The following PCNX2 variants were observed in gnomAD, a reference collection of about 807,000 sequenced individuals.
PCNX2 encodes the protein pecanex 2, also known as pecanex-like protein 2.
Under a neutral mutation model 223.8 loss-of-function variants are expected in PCNX2, and 168 were observed. The observed-to-expected ratio is 0.75, with a 90% confidence interval of 0.66 to 0.85. The LOEUF is 0.85. Among genes scored for constraint, PCNX2 ranks in the 40% least tolerant of loss-of-function variants. The probability of loss-of-function intolerance (pLI) is 0.00; values close to 1 mark genes in which losing one functional copy is unlikely to be tolerated. For synonymous variants in PCNX2, 1,006 were observed against 1,052.6 expected, an observed-to-expected ratio of 0.96 and a Z score of 0.86; for missense variants, 2,507 against 2,675.5, an observed-to-expected ratio of 0.94 and a Z score of 1.39.
In PCNX2 at chr1:233,005,925, C is replaced by T. The variant is rs375387929; in HGVS notation, c.4953-4244G>A. On this transcript the variant is annotated intron_variant, in intron 28 of 33. Transcript: ENST00000258229. ...TTCCTGGGGACTAAAACAGCCCCCA[C>T]TCGCACGCCTGTGGAGGATGTCAGT... Among the ~76,000 whole-genome samples, 26 of 152,296 alleles carry T rather than the reference C, an allele frequency of 1.7e-4. No homozygotes were observed. The South Asian group carries it at 4.8e-3, about 28-fold the overall frequency.
At chr1:232,985,665 C>A (rs1043603293) in intron 33 of PCNX2, 2 of 411,422 alleles carry the variant, frequency 4.9e-6, no homozygotes, top group Non-Finnish European at 8.6e-6. Context: ...GCTTTAAAGT[C>A]AAATCGATTG....
intron 28 of PCNX2, among the ~76,000 whole-genome samples, chr1:233,009,184 G>A (rs1015825963): frequency 3.3e-5 from 5 of 152,148 alleles, no homozygotes; most frequent in Admixed American, 6.5e-5. Context: ...CAGAGAAGAC[G>A]AAATGCATTA....
At chr1:233,210,845 G>A (rs1360683663) in intron 12 of PCNX2, among the ~76,000 whole-genome samples, 1 of 152,136 alleles carries the variant, frequency 6.6e-6, no homozygotes, top group East Asian at 1.9e-4. Context: ...GGAGCATCTT[G>A]CAAGGCTATT....
intron 25 of PCNX2, among the ~76,000 whole-genome samples, chr1:233,043,922 C>T (rs1400813435): frequency 3.3e-5 from 5 of 151,432 alleles, no homozygotes; most frequent in African/African-American, 7.3e-5. Flanking sequence ...GGTATATACC[C>T]AGTAATGGGA....
At chr1:233,015,961 T>C (rs1202572507) in intron 27 of PCNX2, among the ~76,000 whole-genome samples, 1 of 151,894 alleles carries the variant, frequency 6.6e-6, no homozygotes, top group African/African-American at 2.4e-5. Context: ...AAATATCTTT[T>C]GCAAGGAAAA....
chr1:233,144,054 G>A (rs748506422), intron 19 of PCNX2, among the ~76,000 whole-genome samples: 2 of 152,040 alleles, frequency 1.3e-5, no homozygotes, highest in Non-Finnish European at 2.9e-5. Context: ...GGTGGTGTGT[G>A]CTTGTAGTCC....
At chr1:233,132,086 G>A (rs1160236002) in intron 21 of PCNX2, among the ~76,000 whole-genome samples, 1 of 151,834 alleles carries the variant, frequency 6.6e-6, no homozygotes, top group Non-Finnish European at 1.5e-5. Flanking sequence ...ACAGGCACCC[G>A]CCACCACGCC....
At chr1:233,205,380 A>T (rs1288945465) in intron 13 of PCNX2, among the ~76,000 whole-genome samples, 2 of 152,220 alleles carry the variant, frequency 1.3e-5, no homozygotes, top group Non-Finnish European at 2.9e-5. Flanking sequence ...TTATTTGTAC[A>T]TAAATATCTT....
chr1:233,133,550 A>G (rs187600401), intron 21 of PCNX2, among the ~76,000 whole-genome samples: 6 of 152,260 alleles, frequency 3.9e-5, no homozygotes, highest in African/African-American at 4.8e-5. Flanking sequence ...TTAGTGCCCA[A>G]TTGGAGTTAT....
rs760870786 is a variant in PCNX2, at chr1:233,258,181, A to G, written c.1681T>C (p.Ser561Pro). 1.9e-6 allele frequency: 3 copies of G among 1,613,958 alleles called. No individual in the cohort carries two copies. Among genetic ancestry groups the G allele is most frequent in the Admixed American group, 1.7e-5 (1 of 60,024 alleles). ...TGTCCTTCCTTAGCCTCTAGGTCAG[A>G]TTTGGAAGTTGGCATTGTTTTCTCT... ...DTEKTMPTSK[S>P]DLEAKEGQMP... The change falls in exon 5 of 34, where the codon TCT becomes CCT. Residue 561 changes from serine to proline, a missense_variant. This residue lies in a region of PCNX2 where 1,031 missense variants were observed against 1,021.7 expected (regional missense o/e 1.01). Coordinates refer to ENST00000258229, the MANE Select transcript of PCNX2 (RefSeq NM_014801.4).
intron 12 of PCNX2, among the ~76,000 whole-genome samples, chr1:233,213,671 A>C (rs1346952171): frequency 6.6e-6 from 1 of 152,202 alleles, no homozygotes; most frequent in Non-Finnish European, 1.5e-5. Flanking sequence ...AGAATGCATA[A>C]CAAGCTGTAG....
intron 8 of PCNX2, among the ~76,000 whole-genome samples, chr1:233,245,446 G>A (rs1266373533): frequency 1.3e-5 from 2 of 148,952 alleles, no homozygotes; most frequent in African/African-American, 5.2e-5. Flanking sequence ...TGGTTTGGAG[G>A]AGCCTGCAGG....
At chr1:233,277,689 G>C (rs1660986038) in intron 1 of PCNX2, among the ~76,000 whole-genome samples, 1 of 152,214 alleles carries the variant, frequency 6.6e-6, no homozygotes, top group Non-Finnish European at 1.5e-5. Flanking sequence ...GGAGGCTCCA[G>C]AGGTCCCTGG....
chr1:233,040,413 C>T (rs548855864), intron 25 of PCNX2, among the ~76,000 whole-genome samples: 1 of 152,282 alleles, frequency 6.6e-6, no homozygotes, highest in South Asian at 2.1e-4. Context: ...ATGGGAAGCC[C>T]AGGATTCCCT....
At chr1:233,084,366 G>A (rs1381815651) in intron 23 of PCNX2, among the ~76,000 whole-genome samples, 1 of 152,186 alleles carries the variant, frequency 6.6e-6, no homozygotes, top group African/African-American at 2.4e-5. Flanking sequence ...AGTGATTCCT[G>A]CTAGGTAAAG....
At position 233,236,870 on chromosome 1, in the gene PCNX2, C is replaced by T. The variant is rs555828396; in HGVS notation, c.2333G>A (p.Arg778His). 13 of 1,613,840 alleles carry T rather than the reference C, an allele frequency of 8.1e-6. No individual in the cohort carries two copies. The highest frequency in any genetic ancestry group is 4.4e-5 in the South Asian group (4 of 91,062). Residue 778 changes from arginine to histidine, a missense_variant, in exon 9 of 34, where the codon CGC becomes CAC. Physicochemically the swap from Arg to His is conservative, Grantham distance 29. This residue lies in a region of PCNX2 where 1,031 missense variants were observed against 1,021.7 expected (regional missense o/e 1.01). Transcript: ENST00000258229. ...LQQQLLLMVARRTQSETPRHV... is the reference protein window; with the variant it reads ...LQQQLLLMVAHRTQSETPRHV... ...CCGTGGGGTTTCCGACTGGGTCCTG[C>T]GAGCCACCATCAGTAACAGCTGTTG... is the stretch of plus-strand genomic sequence containing the variant.
At chr1:233,281,050 C>T (rs2103019566) in intron 1 of PCNX2, among the ~76,000 whole-genome samples, 1 of 152,202 alleles carries the variant, frequency 6.6e-6, no homozygotes, top group Middle Eastern at 3.4e-3. Context: ...TAAGAAGAAG[C>T]CAAGTGCAAC....
intron 21 of PCNX2, among the ~76,000 whole-genome samples, chr1:233,102,818 C>G (rs1245462086): frequency 1.3e-5 from 2 of 151,968 alleles, no homozygotes; most frequent in East Asian, 3.9e-4. Context: ...GTGGGGTTGT[C>G]TCTTCACTTT....
chr1:233,050,877 A>C (rs367703820), intron 25 of PCNX2, among the ~76,000 whole-genome samples: 4 of 152,182 alleles, frequency 2.6e-5, no homozygotes, highest in East Asian at 1.9e-4. Context: ...TATCAATAGA[A>C]TAAAAGACAA....
Sources: allele counts gnomAD v4.1 joint callset (sites outside exome capture counted in the v4.1 genomes callset), GRCh38; gene constraint gnomAD v4.1.1; regional missense constraint gnomAD v4.1.1; transcripts MANE v1.5; gene names NCBI Gene and HGNC (gene_info 2026-07-23, HGNC 2026-07-21).